The following ZNF567 variants were observed in gnomAD, a reference collection of about 807,000 sequenced individuals.
ZNF567 encodes the protein zinc finger protein 567.
In ZNF567, 36 loss-of-function variants were observed where a neutral mutation model predicts 53.9. That is an observed-to-expected ratio of 0.67 (90% confidence interval 0.51 to 0.88). ZNF567 has a LOEUF of 0.88. ZNF567 is among the 40% of genes least tolerant of loss of function. The pLI is 0.00. For missense variants in ZNF567, 619 were observed against 764.7 expected (o/e 0.81, Z 2.25); for synonymous variants, 224 against 260.4 (o/e 0.86, Z 1.35).
chr19:36,682,385 G>T, the ZNF567 span, among the ~76,000 whole-genome samples: 1 of 150,944 alleles, frequency 6.6e-6, no homozygotes, highest in African/African-American at 2.4e-5. Context: ...AAATAATGTT[G>T]AGCAAAGGAG....
upstream of ZNF567, chr19:36,686,510 C>T (rs1371192318): frequency 7.8e-6 from 1 of 128,572 alleles, no homozygotes; most frequent in East Asian, 2.5e-4. Context: ...ATATCCAGGA[C>T]TGGGGACTTT....
At chr19:36,671,954 T>TC in the ZNF567 span, among the ~76,000 whole-genome samples, 1 of 152,144 alleles carries the variant, frequency 6.6e-6, no homozygotes, top group Non-Finnish European at 1.5e-5. Flanking sequence ...AAGCCCATCG[T>TC]CCCCCCTCTT....
At position 36,700,838 on chromosome 19, in the gene ZNF567, G is replaced by A. The variant is rs550358581; in HGVS notation, c.9+5962G>A. On this transcript the variant is annotated intron_variant, in intron 3 of 5. Transcript: ENST00000682579. Reference sequence around the variant, plus strand: ...TTTTTTCTTTATTAGTCTTGCTAGCGGTCTATCAATTTTGTTGATCCTTTC... The same window carrying A: ...TTTTTTCTTTATTAGTCTTGCTAGCAGTCTATCAATTTTGTTGATCCTTTC... Among the ~76,000 whole-genome samples the A allele has an allele frequency of 9.5e-3, 1,440 of 151,754 alleles. 22 individuals are homozygous for A. Among genetic ancestry groups the A allele is most frequent in the African/African-American group, 0.033 (1,352 of 41,366 alleles).
upstream of ZNF567, chr19:36,685,337 G>C (rs953507187): frequency 6.6e-6 from 1 of 152,174 alleles, no homozygotes; most frequent in African/African-American, 2.4e-5. Flanking sequence ...AATGTATGTA[G>C]GTGTTATATC....
chr19:36,706,167 A>T (rs922812090), intron 3 of ZNF567, among the ~76,000 whole-genome samples: 2 of 152,204 alleles, frequency 1.3e-5, no homozygotes, highest in African/African-American at 4.8e-5. Flanking sequence ...AGCCAGCCAC[A>T]TGCTACGTGA....
upstream of ZNF567, among the ~76,000 whole-genome samples, chr19:36,684,413 T>C (rs752750512): frequency 1.3e-5 from 2 of 152,052 alleles, no homozygotes; most frequent in Non-Finnish European, 2.9e-5. Context: ...AAAATAATAA[T>C]AAAAGGAGAT....
chr19:36,709,943 G>A (rs374164139), intron 3 of ZNF567, among the ~76,000 whole-genome samples: 22 of 152,310 alleles, frequency 1.4e-4, no homozygotes, highest in African/African-American at 5.3e-4. Context: ...TATCCTTTTA[G>A]GGTTAATTAA....
intron 1 of ZNF567, among the ~76,000 whole-genome samples, chr19:36,688,338 G>T (rs1165844589): frequency 6.6e-6 from 1 of 152,130 alleles, no homozygotes; most frequent in Non-Finnish European, 1.5e-5. Flanking sequence ...CTTAGGTGGA[G>T]TGCTTGAGAA....
At chr19:36,678,916 A>G in the ZNF567 span, among the ~76,000 whole-genome samples, 1 of 152,114 alleles carries the variant, frequency 6.6e-6, no homozygotes, top group Non-Finnish European at 1.5e-5. Context: ...ACATTTCTCA[A>G]AAGAAGACAT....
At chr19:36,669,991 T>G in the ZNF567 span, among the ~76,000 whole-genome samples, 1 of 152,222 alleles carries the variant, frequency 6.6e-6, no homozygotes, top group Non-Finnish European at 1.5e-5. Flanking sequence ...AACAGATATT[T>G]TCTTTGAAAT....
downstream of ZNF567, among the ~76,000 whole-genome samples, chr19:36,722,560 A>G (rs1035933530): frequency 2.7e-4 from 41 of 152,332 alleles, no homozygotes; most frequent in Non-Finnish European, 4.3e-4. Context: ...TCAGCCTCCC[A>G]AAGTGCTGGG....
At chr19:36,718,309 C>T (rs1203882253) in intron 5 of ZNF567, among the ~76,000 whole-genome samples, 1 of 152,034 alleles carries the variant, frequency 6.6e-6, no homozygotes, top group Non-Finnish European at 1.5e-5. Flanking sequence ...ACCAACCTGG[C>T]CAGCATGGTG....
chr19:36,708,859 T>C (rs1404732791), intron 3 of ZNF567, among the ~76,000 whole-genome samples: 1 of 152,212 alleles, frequency 6.6e-6, no homozygotes, highest in African/African-American at 2.4e-5. Flanking sequence ...GTTTTAATGA[T>C]TCATTTCATT....
At chr19:36,682,934 G>A (rs996651950), upstream of ZNF567, among the ~76,000 whole-genome samples, 4 of 151,774 alleles carry the variant, frequency 2.6e-5, no homozygotes, top group South Asian at 2.1e-4. Context: ...AAGCCAGCAC[G>A]CTATAATTTT....
chr19:36,691,080 G>A (rs1258753059), intron 2 of ZNF567, among the ~76,000 whole-genome samples: 1 of 152,198 alleles, frequency 6.6e-6, no homozygotes, highest in Non-Finnish European at 1.5e-5. Flanking sequence ...GGAGTATTAT[G>A]CAGCCATGAA....
chr19:36,672,789 T>A, the ZNF567 span, among the ~76,000 whole-genome samples: 1 of 152,086 alleles, frequency 6.6e-6, no homozygotes, highest in African/African-American at 2.4e-5. Flanking sequence ...AAAACTACCA[T>A]CCAGACCCTT....
intron 2 of ZNF567, among the ~76,000 whole-genome samples, chr19:36,693,997 C>T (rs1450150621): frequency 1.3e-5 from 2 of 152,174 alleles, no homozygotes; most frequent in African/African-American, 4.8e-5. Flanking sequence ...GCCTGAGCAA[C>T]ATTGCAAGAC....
rs568544657 is a variant in ZNF567, at chr19:36,720,857, A to G, written c.*189A>G. 6 of 451,676 alleles carry G rather than the reference A, an allele frequency of 1.3e-5. No individual in the cohort carries two copies. The highest frequency in any genetic ancestry group is 7.6e-5 in the South Asian group (1 of 13,186). 28.0% of individuals were successfully genotyped at this position (451,676 alleles called of 1,614,324 possible). ...AGTATGATCATTATTATTGAACTCT[A>G]TCAGCTATGAAGCTAAATTTTAAAG... On this transcript the variant is annotated 3_prime_UTR_variant, in exon 6 of 6. Transcript: ENST00000682579.
chr19:36,723,317 C>G (rs954595123), downstream of ZNF567: 6 of 692,458 alleles, frequency 8.7e-6, no homozygotes, highest in Non-Finnish European at 1.6e-5. Context: ...ATTTCAGTGG[C>G]TACCACAAAA....
Sources: gnomAD v4.1 joint callset for allele counts (sites outside exome capture counted in the v4.1 genomes callset) on GRCh38, gnomAD v4.1.1 for gene constraint, MANE v1.5 for transcripts, NCBI Gene and HGNC (gene_info 2026-07-23, HGNC 2026-07-21) for gene names.